The following ENPP2 variants were observed in gnomAD, a reference collection of about 807,000 sequenced individuals.
ENPP2 encodes autotaxin.
In ENPP2, 51 loss-of-function variants were observed where a neutral mutation model predicts 120.2. The ratio of observed to expected loss-of-function variants is 0.42; its 90% CI spans 0.34 to 0.54. The LOEUF (loss-of-function observed/expected upper bound fraction) is 0.54, where lower values mean the gene tolerates loss of function less well. Among genes scored for constraint, ENPP2 ranks in the 20% least tolerant of loss-of-function variants. The pLI is 0.04. For synonymous variants in ENPP2, 365 were observed against 366.4 expected, an observed-to-expected ratio of 1.00 and a Z score of 0.04; for missense variants, 920 against 1,066.5, an observed-to-expected ratio of 0.86 and a Z score of 1.91.
intron 1 of ENPP2, chr8:119,673,237 AG>A: frequency 6.5e-7 from 1 of 1,532,014 alleles, no homozygotes; most frequent in Non-Finnish European, 8.7e-7. Flanking sequence ...GGGTAGAGAG[AG>A]GCGCATACCG....
intron 8 of ENPP2, 40 bp from the exon 9 acceptor site, chr8:119,608,017 GT>G (rs760629110): frequency 1.4e-6 from 2 of 1,472,902 alleles, no homozygotes; most frequent in Admixed American, 4.0e-5. Flanking sequence ...TGTGTTCTGT[GT>G]TTTTGTCAAA....
At chr8:119,656,881 T>TAA (rs1389423172) in intron 1 of ENPP2, among the ~76,000 whole-genome samples, 1 of 152,186 alleles carries the variant, frequency 6.6e-6, no homozygotes, top group Non-Finnish European at 1.5e-5. Flanking sequence ...TTAAGGTAGT[T>TAA]ATAGAATTGC....
At chr8:119,563,048 T>C (rs1396714685) in intron 23 of ENPP2, 35 bp from the exon 24 acceptor site, 7 of 1,590,868 alleles carry the variant, frequency 4.4e-6, no homozygotes, top group South Asian at 1.1e-5. Context: ...TCACAGTTGA[T>C]GAGTTGATGT....
At chr8:119,640,604 C>G (rs1817251487), upstream of ENPP2, among the ~76,000 whole-genome samples, 1 of 152,178 alleles carries the variant, frequency 6.6e-6, no homozygotes, top group African/African-American at 2.4e-5. Context: ...GGTTCAGGAG[C>G]TGAACATCAT....
chr8:119,672,734 G>C (rs1460461639), intron 1 of ENPP2, among the ~76,000 whole-genome samples: 2 of 152,206 alleles, frequency 1.3e-5, no homozygotes, highest in Non-Finnish European at 2.9e-5. Context: ...GGCGCGTTGT[G>C]GGGAAGGGGC....
intron 22 of ENPP2, among the ~76,000 whole-genome samples, chr8:119,566,520 G>A (rs968152034): frequency 1.2e-4 from 18 of 152,100 alleles, no homozygotes; most frequent in South Asian, 4.1e-4. Context: ...CAGTAAGAAA[G>A]GAGTTCAAAC....
intron 13 of ENPP2, among the ~76,000 whole-genome samples, chr8:119,588,018 T>G (rs6988878): frequency 0.015 from 2,294 of 152,238 alleles, 38 homozygotes; most frequent in African/African-American, 0.043. Flanking sequence ...TAATAAATAT[T>G]TGTTCATATT....
chr8:119,581,293 T>A (rs1812717727), intron 18 of ENPP2, among the ~76,000 whole-genome samples: 1 of 146,848 alleles, frequency 6.8e-6, no homozygotes. Flanking sequence ...AGAAAACCTG[T>A]CCAAGCATAG....
In ENPP2 at chr8:119,623,787, G is replaced by C. The variant is rs111375979; in HGVS notation, c.293-2268C>G. On this transcript the variant is annotated intron_variant, in intron 3 of 24. Transcript: ENST00000075322. Reference sequence around the variant, plus strand: ...ATTACAGGTGCCTCCCCCCATGCCTGGGTAATTTTTGTATTTTTAGTAGAG... The same window carrying C: ...ATTACAGGTGCCTCCCCCCATGCCTCGGTAATTTTTGTATTTTTAGTAGAG... 9.2e-3 allele frequency among the ~76,000 whole-genome samples: 1,401 copies of C among 152,026 alleles called. 30 individuals are homozygous for C. The highest frequency in any genetic ancestry group is 0.033 in the African/African-American group (1,354 of 41,482).
At chr8:119,567,500 T>C (rs1291560097) in intron 22 of ENPP2, among the ~76,000 whole-genome samples, 3 of 152,162 alleles carry the variant, frequency 2.0e-5, no homozygotes, top group Non-Finnish European at 2.9e-5. Context: ...CCGAGCTCAT[T>C]GTGCCTATAC....
chr8:119,590,995 T>TAAAAAAAAAAAAAAAAAAAA (rs58061193), intron 12 of ENPP2, among the ~76,000 whole-genome samples: 1 of 109,962 alleles, frequency 9.1e-6, no homozygotes, highest in African/African-American at 3.6e-5. Flanking sequence ...ATCTATTCTT[T>TAAAAAAAAAAAAAAAAAAAA]AAAAAAAAAA....
intron 12 of ENPP2, among the ~76,000 whole-genome samples, chr8:119,592,271 G>A (rs1023183103): frequency 1.3e-5 from 2 of 151,996 alleles, no homozygotes; most frequent in East Asian, 1.9e-4. Flanking sequence ...CCAGGACTTC[G>A]AGACCGGCCT....
intron 1 of ENPP2, among the ~76,000 whole-genome samples, chr8:119,662,070 G>A (rs1267223720): frequency 1.3e-5 from 2 of 152,094 alleles, no homozygotes; most frequent in East Asian, 3.9e-4. Flanking sequence ...AGTTAGAAAA[G>A]ATATCTTATT....
At chr8:119,589,971 C>T (rs1813385563) in intron 13 of ENPP2, among the ~76,000 whole-genome samples, 1 of 152,066 alleles carries the variant, frequency 6.6e-6, no homozygotes, top group African/African-American at 2.4e-5. Flanking sequence ...AGGACAGCTG[C>T]CACTTCCCAA....
At chr8:119,605,723 C>CT (rs11385263) in intron 9 of ENPP2, among the ~76,000 whole-genome samples, 85,704 of 151,004 alleles carry the variant, frequency 0.57, 25,804 homozygotes, top group African/African-American at 0.77. Flanking sequence ...CCACCTCAGC[C>CT]CCCAAAGTGC....
chr8:119,672,032 T>C (rs1313997021), intron 1 of ENPP2, among the ~76,000 whole-genome samples: 2 of 152,134 alleles, frequency 1.3e-5, no homozygotes, highest in Non-Finnish European at 1.5e-5. Context: ...AAATGCTCTA[T>C]GGTTTTGCTA....
intron 1 of ENPP2, among the ~76,000 whole-genome samples, chr8:119,649,915 A>G (rs751435983): frequency 6.6e-6 from 1 of 152,218 alleles, no homozygotes; most frequent in Non-Finnish European, 1.5e-5. Context: ...GTTAGGAAGG[A>G]TGTGGAAACA....
At chr8:119,608,541 C>T (rs1587467626) in intron 8 of ENPP2, among the ~76,000 whole-genome samples, 1 of 152,146 alleles carries the variant, frequency 6.6e-6, no homozygotes, top group South Asian at 2.1e-4. Flanking sequence ...AGGAAAGTTC[C>T]TAGAATAAGT....
In ENPP2 at chr8:119,593,785, G is replaced by C. The variant is rs369796903; in HGVS notation, c.1048C>G (p.Arg350Gly). The C allele has an allele frequency of 2.5e-6, 4 of 1,612,140 alleles. No individual in the cohort carries two copies. Among genetic ancestry groups the C allele is most frequent in the Middle Eastern group, 1.6e-4 (1 of 6,076 alleles). ...CCGACAAAGATGACGTTGACACACC[G>C]ATGCAGTTTTAGTTGTTTCAGTCCA... ...MDGLKQLKLH[R>G]CVNVIFVGDH... Residue 350 changes from arginine to glycine, a missense_variant, in exon 12 of 25, where the codon CGG (arginine) becomes GGG (glycine). Physicochemically the swap from Arg to Gly is moderately radical, Grantham distance 125. Coordinates refer to ENST00000075322, the MANE Select transcript of ENPP2 (RefSeq NM_001040092.3).
Sources: allele counts gnomAD v4.1 joint callset (sites outside exome capture counted in the v4.1 genomes callset), GRCh38; gene constraint gnomAD v4.1.1; transcripts MANE v1.5; gene names NCBI Gene and HGNC (gene_info 2026-07-23, HGNC 2026-07-21).